The following EIF2AK4 variants were observed in gnomAD, a reference collection of about 807,000 sequenced individuals.
EIF2AK4 encodes the protein eIF-2-alpha kinase GCN2.
A neutral mutation model predicts 211.1 loss-of-function variants in EIF2AK4; 139 were observed. That is an observed-to-expected ratio of 0.66 (90% CI 0.57 to 0.76). The LOEUF is 0.76. Ranked by LOEUF, EIF2AK4 falls within the 30% of genes least tolerant of loss-of-function variation. EIF2AK4 has a pLI of 0.00. For missense variants in EIF2AK4, 1,664 were observed against 2,043.8 expected (o/e 0.81, Z 3.58); for synonymous variants, 710 against 751.3 (o/e 0.94, Z 0.90).
intron 35 of EIF2AK4, 137 bp downstream of exon 35, chr15:40,030,593 G>A (rs1595440189): frequency 2.3e-6 from 2 of 869,026 alleles, no homozygotes; most frequent in East Asian, 5.5e-5. Context: ...CTTCCAACTT[G>A]CCTAACTGGG....
intron 14 of EIF2AK4, among the ~76,000 whole-genome samples, chr15:39,986,724 G>A (rs1262634546): frequency 6.6e-6 from 1 of 152,210 alleles, no homozygotes; most frequent in Non-Finnish European, 1.5e-5. Context: ...GCATGGTGGT[G>A]TGCTCCTGTA....
intron 37 of EIF2AK4, 129 bp from the exon 38 acceptor site, chr15:40,034,197 C>A: frequency 1.4e-6 from 1 of 690,882 alleles, no homozygotes; most frequent in Non-Finnish European, 2.5e-6. Context: ...GTTCTGCTAT[C>A]TCCCTATTAC....
In EIF2AK4 at chr15:39,976,669, G is replaced by A. The variant is rs772513114; in HGVS notation, c.2074G>A (p.Gly692Ser). Residue 692 changes from glycine (G) to serine (S), a missense_variant, in exon 12 of 39, where the codon GGC becomes AGC. Gly to Ser is a moderately conservative substitution (Grantham distance 56, BLOSUM62 0). Coordinates refer to ENST00000263791, the MANE Select transcript of EIF2AK4 (RefSeq NM_001013703.4). ...CGGGCAGCCGGCGAGCGACACAGAC[G>A]GCCTGGACAGCGTAGAGGCCGCCGC... ...ARGQPASDTD[G>S]LDSVEAAAPP... 7 of 1,604,592 alleles carry A rather than the reference G, an allele frequency of 4.4e-6. No homozygotes were observed. The South Asian group carries it at 7.7e-5, about 18-fold the overall frequency.
At chr15:39,959,447 TG>T (rs1244299078) in intron 6 of EIF2AK4, among the ~76,000 whole-genome samples, 1 of 152,254 alleles carries the variant, frequency 6.6e-6, no homozygotes, top group Non-Finnish European at 1.5e-5. Flanking sequence ...CTACAACCTG[TG>T]CCATGCAGCA....
intron 4 of EIF2AK4, among the ~76,000 whole-genome samples, chr15:39,952,465 C>T (rs1010037461): frequency 1.3e-5 from 2 of 152,012 alleles, no homozygotes; most frequent in Non-Finnish European, 2.9e-5. Flanking sequence ...TTTGTAGAGA[C>T]AAGATCTCCC....
At chr15:39,969,331 C>T (rs2034588857) in intron 9 of EIF2AK4, among the ~76,000 whole-genome samples, 2 of 146,860 alleles carry the variant, frequency 1.4e-5, no homozygotes, top group Non-Finnish European at 3.0e-5. Context: ...CAGTTTTAAA[C>T]TTGAGATCAG....
At chr15:40,030,568 A>G in intron 35 of EIF2AK4, 112 bp downstream of exon 35, 3 of 1,251,476 alleles carry the variant, frequency 2.4e-6, no homozygotes, top group Non-Finnish European at 3.3e-6. Context: ...TATTTTTTCC[A>G]AGAAAAAAAT....
Position 39,988,035 on chromosome 15 carries a change from A to G in EIF2AK4, c.2456A>G (p.Tyr819Cys), listed in dbSNP as rs2034889862. 1 of 1,613,998 alleles carries G rather than the reference A, an allele frequency of 6.2e-7. No individual in the cohort carries two copies. Among genetic ancestry groups the G allele is most frequent in the Admixed American group, 1.7e-5 (1 of 60,006 alleles). ...CGAGACACCATTGACCAGGGACTGT[A>G]TCGAGACACCGTCAGACTCTGGAGG... ...TLRDTIDQGL[Y>C]RDTVRLWRLF... The change falls in exon 15 of 39, where the codon TAT becomes TGT. Residue 819 changes from tyrosine (Y) to cysteine (C), a missense_variant. Tyr to Cys is a radical substitution (Grantham distance 194). This residue lies in a region of EIF2AK4 where 622 missense variants were observed against 796.8 expected (regional missense o/e 0.78). Coordinates refer to ENST00000263791, the MANE Select transcript of EIF2AK4 (RefSeq NM_001013703.4).
chr15:40,018,054 C>G (rs759765981), intron 29 of EIF2AK4, among the ~76,000 whole-genome samples: 1 of 152,114 alleles, frequency 6.6e-6, no homozygotes, highest in African/African-American at 2.4e-5. Flanking sequence ...CTGTATGTCT[C>G]TTTACCTCAT....
At position 39,961,490 on chromosome 15, in the gene EIF2AK4, ATT is replaced by A. The variant is rs201791055; in HGVS notation, c.744-291_744-290del. ...GCACATGAGCTGAATTTTCAGTTTT[ATT>A]TTAATAGCCACAGCATTGGGCAGCA... On this transcript the variant is annotated intron_variant, in intron 6 of 38. Coordinates refer to ENST00000263791, the MANE Select transcript of EIF2AK4 (RefSeq NM_001013703.4). Among the ~76,000 whole-genome samples the A allele has an allele frequency of 9.8e-5, 15 of 152,330 alleles. No homozygotes were observed. The East Asian group carries it at 2.9e-3, about 29-fold the overall frequency.
intron 13 of EIF2AK4, among the ~76,000 whole-genome samples, chr15:39,983,737 C>T (rs1053883057): frequency 1.1e-4 from 17 of 152,148 alleles, no homozygotes; most frequent in African/African-American, 2.9e-4. Flanking sequence ...CCACCGCGCC[C>T]GGCCTGGATA....
chr15:39,946,612 C>T (rs1487128384), intron 3 of EIF2AK4: 2 of 701,074 alleles, frequency 2.9e-6, no homozygotes, highest in South Asian at 3.0e-5. Context: ...GAGGATTGAC[C>T]CCAACTTTGA....
chr15:40,027,686 C>T (rs1356785483), intron 33 of EIF2AK4, among the ~76,000 whole-genome samples: 6 of 151,968 alleles, frequency 3.9e-5, no homozygotes, highest in East Asian at 3.9e-4. Context: ...GTCAGGAGAT[C>T]GAGATCATCC....
At chr15:39,935,770 A>T (rs903956469) in intron 1 of EIF2AK4, among the ~76,000 whole-genome samples, 1 of 152,232 alleles carries the variant, frequency 6.6e-6, no homozygotes, top group Admixed American at 6.5e-5. Flanking sequence ...TCCTTCATTA[A>T]ATATTTGTTT....
intron 23 of EIF2AK4, among the ~76,000 whole-genome samples, chr15:40,005,993 G>A (rs1275418488): frequency 2.6e-5 from 4 of 151,736 alleles, no homozygotes; most frequent in African/African-American, 9.7e-5. Flanking sequence ...AATTCACAAA[G>A]CTCCAAAAAG....
intron 6 of EIF2AK4, among the ~76,000 whole-genome samples, chr15:39,956,674 T>G (rs1036308342): frequency 2.0e-5 from 3 of 152,232 alleles, no homozygotes; most frequent in South Asian, 2.1e-4. Context: ...TGTGGCCCCC[T>G]GTACACCAGA....
intron 20 of EIF2AK4, among the ~76,000 whole-genome samples, chr15:40,000,553 G>T (rs1171337637): frequency 6.6e-6 from 1 of 152,080 alleles, no homozygotes; most frequent in Non-Finnish European, 1.5e-5. Context: ...AAATGGAGAA[G>T]AAACCATTAA....
intron 1 of EIF2AK4, among the ~76,000 whole-genome samples, chr15:39,936,704 C>T (rs566265922): frequency 2.0e-5 from 3 of 152,284 alleles, no homozygotes; most frequent in African/African-American, 7.2e-5. Flanking sequence ...CCACCGTGCC[C>T]AGCCTTTTAT....
At chr15:39,951,484 T>A in intron 4 of EIF2AK4, 1 of 411,246 alleles carries the variant, frequency 2.4e-6, no homozygotes, top group East Asian at 8.5e-5. Flanking sequence ...GCCAACCAGA[T>A]AGGCCTCACT....
Sources: allele counts gnomAD v4.1 joint callset (sites outside exome capture counted in the v4.1 genomes callset), GRCh38; gene constraint gnomAD v4.1.1; regional missense constraint gnomAD v4.1.1; transcripts MANE v1.5; gene names NCBI Gene and HGNC (gene_info 2026-07-23, HGNC 2026-07-21).